DGKK: variants seen among roughly 807,000 people sequenced by gnomAD.
The protein encoded by DGKK is 142 kDa diacylglycerol kinase.
Under a neutral mutation model 92.2 loss-of-function variants are expected in DGKK, and 35 were observed. That is an observed-to-expected ratio of 0.38 (90% confidence interval 0.29 to 0.50). The LOEUF is 0.50. Among genes scored for constraint, DGKK ranks in the 20% least tolerant of loss-of-function variants. The pLI is 0.92. For missense variants in DGKK, 910 were observed against 992.2 expected (o/e 0.92, Z 1.11); for synonymous variants, 368 against 360.6 (o/e 1.02, Z -0.23).
chrX:50,392,069 T>C (rs1278056202), intron 10 of DGKK, among the ~76,000 whole-genome samples: 1 of 112,140 alleles, frequency 8.9e-6, no homozygotes, highest in Non-Finnish European at 1.9e-5. Flanking sequence ...ACTTCTGTTT[T>C]GTTTGCTCTC....
chrX:50,449,951 G>A (rs60834355), intron 1 of DGKK, among the ~76,000 whole-genome samples: 9,112 of 111,291 alleles, frequency 0.082, 912 homozygotes, highest in African/African-American at 0.28. Context: ...TGAGAAACAA[G>A]GCACACATTG....
chrX:50,439,839 G>A (rs1376071792), intron 1 of DGKK, among the ~76,000 whole-genome samples: 1 of 110,949 alleles, frequency 9.0e-6, no homozygotes, highest in African/African-American at 3.3e-5. Flanking sequence ...GACACTCATA[G>A]TGCTAGGACT....
intron 18 of DGKK, among the ~76,000 whole-genome samples, chrX:50,382,048 A>G (rs892228747): frequency 3.6e-5 from 4 of 111,890 alleles, no homozygotes; most frequent in Non-Finnish European, 5.6e-5. Context: ...CCAACACTGG[A>G]TAGGGTAAAA....
At position 50,376,931 on chromosome X, in the gene DGKK, A is replaced by G; in HGVS notation, c.3112-13T>C. 8.5e-7 allele frequency: 1 copy of G among 1,178,916 alleles called. No homozygotes were observed. Among genetic ancestry groups the G allele is most frequent in the South Asian group, 2.0e-5 (1 of 49,709 alleles). On this transcript the variant is annotated splice_polypyrimidine_tract_variant and intron_variant, in intron 22 of 27. Coordinates refer to ENST00000611977, the MANE Select transcript of DGKK (RefSeq NM_001013742.4). Reference sequence around the variant, plus strand: ...AGTTCTCAAAGTCCTGGAGATGAATACAGTGGCATATCCTAATGATTGCTG... The same window carrying G: ...AGTTCTCAAAGTCCTGGAGATGAATGCAGTGGCATATCCTAATGATTGCTG...
At chrX:50,440,838 G>A (rs972922070) in intron 1 of DGKK, among the ~76,000 whole-genome samples, 1 of 111,956 alleles carries the variant, frequency 8.9e-6, no homozygotes, top group South Asian at 3.7e-4. Flanking sequence ...TTGAAGATTT[G>A]CTATACCAAC....
intron 18 of DGKK, among the ~76,000 whole-genome samples, chrX:50,381,484 A>G (rs965278280): frequency 8.9e-6 from 1 of 111,929 alleles, no homozygotes; most frequent in African/African-American, 3.2e-5. Context: ...AATAAAAAAA[A>G]TAAACAAATA....
At chrX:50,408,524 G>A (rs1167761158) in intron 4 of DGKK, among the ~76,000 whole-genome samples, 1 of 110,020 alleles carries the variant, frequency 9.1e-6, no homozygotes, top group African/African-American at 3.3e-5. Context: ...GACTACAGGC[G>A]CCCGCCACCA....
intron 4 of DGKK, among the ~76,000 whole-genome samples, chrX:50,405,560 T>G (rs868934031): frequency 1.9e-5 from 2 of 103,559 alleles, no homozygotes; most frequent in Non-Finnish European, 2.0e-5. Context: ...GAGAGAGAGC[T>G]AGCTACTGAG....
Position 50,393,312 on chromosome X carries a change from AG to A in DGKK, c.1434del (p.Phe479SerfsTer47). ...GCTGATGACCAATCAAGATTCCAGA[AG>A]TCTGAAGATACTACTAATTGGCCTG... ...KGDGQLVVSSDFWNLDWSSAC... is the reference protein window; with the variant it reads ...KGDGQLVVSSXFWNLDWSSAC... On this transcript the variant is annotated frameshift_variant, in exon 9 of 28. Transcript: ENST00000611977. LOFTEE classifies it high-confidence loss of function. The A allele has an allele frequency of 8.3e-7, 1 of 1,209,095 alleles. No individual in the cohort carries two copies. Among genetic ancestry groups the A allele is most frequent in the Non-Finnish European group, 1.1e-6 (1 of 894,110 alleles).
At chrX:50,410,840 G>A (rs1480214549) in intron 4 of DGKK, among the ~76,000 whole-genome samples, 2 of 111,514 alleles carry the variant, frequency 1.8e-5, no homozygotes, top group Non-Finnish European at 3.8e-5. Flanking sequence ...TCACATTTCG[G>A]GACCCTTCAA....
intron 8 of DGKK, 41 bp from the exon 9 acceptor site, chrX:50,393,376 C>G: frequency 9.1e-7 from 1 of 1,094,188 alleles, no homozygotes; most frequent in Non-Finnish European, 1.2e-6. Context: ...AAAGAACGGA[C>G]CCGTTGAGAT....
At chrX:50,399,688 A>T (rs1924944787) in intron 8 of DGKK, among the ~76,000 whole-genome samples, 1 of 112,336 alleles carries the variant, frequency 8.9e-6, no homozygotes, top group African/African-American at 3.2e-5. Context: ...GGCTTAGTGA[A>T]ATAGTAGTAT....
chrX:50,384,293 C>A, intron 16 of DGKK, 29 bp from the exon 17 acceptor site: 1 of 1,026,587 alleles, frequency 9.7e-7, no homozygotes, highest in Non-Finnish European at 1.3e-6. Flanking sequence ...ACTTGGGTGA[C>A]GGATACAAAC....
chrX:50,448,970 A>G (rs2147147605), intron 1 of DGKK, among the ~76,000 whole-genome samples: 1 of 111,651 alleles, frequency 9.0e-6, no homozygotes, highest in African/African-American at 3.3e-5. Context: ...TCCTGTGGTG[A>G]GTATTGGGGC....
chrX:50,405,227 C>A (rs1925119542), intron 4 of DGKK, among the ~76,000 whole-genome samples: 1 of 111,386 alleles, frequency 9.0e-6, no homozygotes, highest in African/African-American at 3.3e-5. Context: ...TTGTTAAATG[C>A]TGCATTTGTA....
At position 50,366,423 on chromosome X, in the gene DGKK, C is replaced by G. The variant is rs782775724; in HGVS notation, c.*2517G>C. ...CTCTAGCCCCAAATACTAGTGGTTT[C>G]AGTCAATATCATTCTGACTCAGAGT... is the stretch of plus-strand genomic sequence containing the variant. On this transcript the variant is annotated 3_prime_UTR_variant, in exon 28 of 28. Coordinates refer to ENST00000611977, the MANE Select transcript of DGKK (RefSeq NM_001013742.4). The G allele has an allele frequency of 9.0e-6, 1 of 111,706 alleles. No individual in the cohort carries two copies. The highest frequency in any genetic ancestry group is 1.9e-5 in the Non-Finnish European group (1 of 53,157). 9.2% of individuals were successfully genotyped at this position (111,706 alleles called of 1,213,427 possible).
In DGKK at chrX:50,470,425, G is replaced by A; in HGVS notation, c.254C>T (p.Pro85Leu). The stretch of plus-strand genomic sequence containing the variant: ...CGGTTCTGAGGCCGGCTCTGTGGCT[G>A]GTTCTGGGGTCGGTTCTGTGTACAG... ...TELYTEPTPEPATEPASEPAP... is the reference protein window; with the variant it reads ...TELYTEPTPELATEPASEPAP... The change falls in exon 1 of 28, where the codon CCA becomes CTA. Residue 85 changes from proline to leucine, a missense_variant. Physicochemically the swap from Pro to Leu is moderately conservative, Grantham distance 98 (BLOSUM62 -3). Transcript: ENST00000611977. 3 of 1,212,088 alleles carry A rather than the reference G, an allele frequency of 2.5e-6. No individual in the cohort carries two copies. In the Admixed American group the frequency reaches 6.5e-5, roughly 26 times the overall value.
At position 50,390,335 on chromosome X, in the gene DGKK, C is replaced by T. The variant is rs183398027; in HGVS notation, c.1919G>A (p.Arg640Gln). ...CAGCTGAACAGTAGTTACCTCAAAT[C>T]GTGGTACATCCATTTCAACCTGTCC... The part of the protein sequence containing the change: ...LKGQVEMDVP[R>Q]FEAAAIQHLE... Residue 640 changes from arginine to glutamine, a missense_variant, in exon 12 of 28, where the codon CGA (arginine) becomes CAA (glutamine). Arg to Gln is a conservative substitution (Grantham distance 43). Coordinates refer to ENST00000611977, the MANE Select transcript of DGKK (RefSeq NM_001013742.4). The T allele has an allele frequency of 4.1e-6, 5 of 1,208,214 alleles. No homozygotes were observed. Among genetic ancestry groups the T allele is most frequent in the East Asian group, 3.0e-5 (1 of 33,742 alleles).
intron 1 of DGKK, among the ~76,000 whole-genome samples, chrX:50,449,550 G>A (rs941020419): frequency 9.0e-6 from 1 of 111,308 alleles, no homozygotes; most frequent in Non-Finnish European, 1.9e-5. Context: ...TGCCTCTGAG[G>A]AAATAATGTA....
Sources: gnomAD v4.1 joint callset for allele counts (sites outside exome capture counted in the v4.1 genomes callset) on GRCh38, gnomAD v4.1.1 for gene constraint, MANE v1.5 for transcripts, NCBI Gene and HGNC (gene_info 2026-07-23, HGNC 2026-07-21) for gene names.